The following CLVS1 variants were observed in gnomAD, a reference collection of about 807,000 sequenced individuals.
The protein encoded by CLVS1 is clavesin 1.
In CLVS1, 10 loss-of-function variants were observed where a neutral mutation model predicts 33.1. That is an observed-to-expected ratio of 0.30 (90% CI 0.19 to 0.51). The LOEUF (loss-of-function observed/expected upper bound fraction) is 0.51. Ranked by LOEUF, CLVS1 falls within the 20% of genes least tolerant of loss-of-function variation. The pLI is 0.97. For missense variants in CLVS1, 343 were observed against 433.4 expected (o/e 0.79, Z 1.85); for synonymous variants, 163 against 166.1 (o/e 0.98, Z 0.14).
intron 2 of CLVS1, among the ~76,000 whole-genome samples, chr8:61,271,699 C>T (rs1386889206): frequency 9.8e-6 from 1 of 101,950 alleles, no homozygotes; most frequent in Non-Finnish European, 1.8e-5. Context: ...CTGGGTGCTC[C>T]TGTATTGGGT....
intron 2 of CLVS1, among the ~76,000 whole-genome samples, chr8:61,374,815 T>G (rs1207753399): frequency 6.6e-6 from 1 of 152,130 alleles, no homozygotes; most frequent in African/African-American, 2.4e-5. Context: ...GTGTGTGGTG[T>G]GGGGAGACTT....
At chr8:61,403,941 AT>A (rs112380265) in intron 3 of CLVS1, among the ~76,000 whole-genome samples, 3,204 of 152,342 alleles carry the variant, frequency 0.021, 92 homozygotes, top group African/African-American at 0.072. Flanking sequence ...TGAAGTGGGC[AT>A]TGAACAGTAG....
rs776852944 is a variant in CLVS1, at chr8:61,458,569, C to A, written c.977+27C>A. 4.8e-5 allele frequency: 70 copies of A among 1,473,220 alleles called. 1 individual carries two copies. The highest frequency in any genetic ancestry group is 5.8e-5 in the Non-Finnish European group (63 of 1,087,368). 91.3% of individuals were successfully genotyped at this position (1,473,220 alleles called of 1,614,324 possible). On this transcript the variant is annotated intron_variant, in intron 5 of 5. Transcript: ENST00000325897. Reference sequence around the variant, plus strand: ...TAAGGCCTGGGTTATCAGAGCCCCCCCCCCAGTCAGAGGTCAATGGAATTT... The same window carrying A: ...TAAGGCCTGGGTTATCAGAGCCCCCACCCCAGTCAGAGGTCAATGGAATTT...
intron 2 of CLVS1, among the ~76,000 whole-genome samples, chr8:61,139,560 G>A (rs997889411): frequency 6.6e-6 from 1 of 152,184 alleles, no homozygotes; most frequent in Admixed American, 6.5e-5. Context: ...CGGAGGCCGG[G>A]GGCGGGGGCT....
At chr8:61,129,707 A>T (rs1232065284) in intron 1 of CLVS1, among the ~76,000 whole-genome samples, 1 of 152,140 alleles carries the variant, frequency 6.6e-6, no homozygotes, top group African/African-American at 2.4e-5. Flanking sequence ...GGCCTCTTTT[A>T]TGAGGGCACT....
chr8:61,290,674 T>C (rs560230909), intron 1 of CLVS1, among the ~76,000 whole-genome samples: 1 of 152,346 alleles, frequency 6.6e-6, no homozygotes, highest in African/African-American at 2.4e-5. Flanking sequence ...ACTTCCATCC[T>C]TAGTAAATGG....
chr8:61,404,937 G>A (rs537329948), intron 3 of CLVS1, among the ~76,000 whole-genome samples: 1 of 152,218 alleles, frequency 6.6e-6, no homozygotes, highest in African/African-American at 2.4e-5. Context: ...AGGATGGGAG[G>A]GACTGAGTAG....
chr8:61,194,360 A>G (rs1807558716), intron 2 of CLVS1, among the ~76,000 whole-genome samples: 1 of 151,256 alleles, frequency 6.6e-6, no homozygotes, highest in Non-Finnish European at 1.5e-5. Context: ...GACGAAAGAA[A>G]TGTATGTTAG....
chr8:61,385,441 G>A (rs1005055438), intron 3 of CLVS1, among the ~76,000 whole-genome samples: 1 of 152,176 alleles, frequency 6.6e-6, no homozygotes, highest in Non-Finnish European at 1.5e-5. Context: ...TGGCATTCTT[G>A]AAGGGACTCT....
At chr8:61,453,166 G>T (rs6992529) in intron 3 of CLVS1, among the ~76,000 whole-genome samples, 89,782 of 151,504 alleles carry the variant, frequency 0.59, 29,993 homozygotes, top group Non-Finnish European at 0.76. Flanking sequence ...CAAACTTGAC[G>T]ATTCATACAG....
chr8:61,320,230 A>G (rs970316268), intron 2 of CLVS1, among the ~76,000 whole-genome samples: 1 of 152,042 alleles, frequency 6.6e-6, no homozygotes, highest in Non-Finnish European at 1.5e-5. Flanking sequence ...TTTTATACAC[A>G]TTTTTATAAG....
chr8:61,480,894 T>C (rs1190655686), intron 5 of CLVS1, among the ~76,000 whole-genome samples: 1 of 152,168 alleles, frequency 6.6e-6, no homozygotes, highest in Non-Finnish European at 1.5e-5. Flanking sequence ...CAGTGACCTC[T>C]CTATTCTTGG....
chr8:61,451,660 CTT>C lies in CLVS1; in HGVS notation c.631-2478_631-2477del, dbSNP rs142931981. Among the ~76,000 whole-genome samples the C allele has an allele frequency of 4.6e-3, 694 of 152,140 alleles. 1 individual carries two copies. Among genetic ancestry groups the C allele is most frequent in the African/African-American group, 0.016 (670 of 41,488 alleles). The stretch of plus-strand genomic sequence containing the variant: ...GTAGGCCTCTTGGGGTTCTGGGAGA[CTT>C]TTGTGTGACTGACAACTTCCCTTTT... On this transcript the variant is annotated intron_variant, in intron 3 of 5. Transcript: ENST00000325897.
At chr8:61,253,772 C>T (rs984573614) in intron 2 of CLVS1, among the ~76,000 whole-genome samples, 1 of 152,230 alleles carries the variant, frequency 6.6e-6, no homozygotes, top group East Asian at 1.9e-4. Context: ...TCAGCTCCAT[C>T]AGGTCCTTTA....
At chr8:61,470,130 G>A (rs1181743521) in intron 5 of CLVS1, among the ~76,000 whole-genome samples, 1 of 152,176 alleles carries the variant, frequency 6.6e-6, no homozygotes, top group Non-Finnish European at 1.5e-5. Flanking sequence ...ACATCTGGCC[G>A]AGATAGATGT....
At chr8:61,203,294 G>A in intron 2 of CLVS1, 1 of 755,152 alleles carries the variant, frequency 1.3e-6, no homozygotes, top group Non-Finnish European at 2.4e-6. Context: ...GTTGATATCT[G>A]GCTGTCCTTT....
At chr8:61,116,774 C>G (rs1351738554) in intron 1 of CLVS1, among the ~76,000 whole-genome samples, 2 of 141,936 alleles carry the variant, frequency 1.4e-5, no homozygotes, top group African/African-American at 2.7e-5. Context: ...GTTACTGTAG[C>G]CTTGTAGTAT....
At chr8:61,038,437 G>GTGTATATATATA in the CLVS1 span, among the ~76,000 whole-genome samples, 17 of 142,718 alleles carry the variant, frequency 1.2e-4, no homozygotes, top group African/African-American at 4.2e-4. Context: ...CCTGTCGTTT[G>GTGTATATATATA]TATATATATA....
intron 2 of CLVS1, among the ~76,000 whole-genome samples, chr8:61,330,082 C>A: frequency 6.6e-6 from 1 of 152,096 alleles, no homozygotes. Context: ...GCTTTTGAAA[C>A]CCAGGACCCC....
Sources: allele counts gnomAD v4.1 joint callset (sites outside exome capture counted in the v4.1 genomes callset), GRCh38; gene constraint gnomAD v4.1.1; transcripts MANE v1.5; gene names NCBI Gene and HGNC (gene_info 2026-07-23, HGNC 2026-07-21).